Variants in CDK15 observed in about 807,000 individuals in gnomAD.
CDK15 encodes the protein cyclin-dependent kinase 15.
A neutral mutation model predicts 60.3 loss-of-function variants in CDK15; 62 were observed. The observed-to-expected ratio is 1.03, with a 90% CI of 0.84 to 1.27. CDK15 has a LOEUF of 1.27. Ranked by LOEUF, CDK15 falls within the 50% of genes most tolerant of loss-of-function variation. CDK15 has a pLI of 0.00. For missense variants in CDK15, 541 were observed against 527.8 expected, an observed-to-expected ratio of 1.03 and a Z score of -0.25; for synonymous variants, 194 against 195.7, an observed-to-expected ratio of 0.99 and a Z score of 0.07.
intron 4 of CDK15, among the ~76,000 whole-genome samples, chr2:201,822,299 C>T (rs569409535): frequency 2.0e-5 from 3 of 152,360 alleles, no homozygotes; most frequent in South Asian, 4.1e-4. Flanking sequence ...CATGTTTCAA[C>T]AGTTCTTTAC....
At chr2:201,846,173 G>A (rs913559582) in intron 8 of CDK15, among the ~76,000 whole-genome samples, 1 of 152,012 alleles carries the variant, frequency 6.6e-6, no homozygotes, top group African/African-American at 2.4e-5. Context: ...TTGCACATGT[G>A]TGAACATCAA....
At chr2:201,823,638 C>G in intron 5 of CDK15, 27 bp from the exon 6 acceptor site, 2 of 1,605,804 alleles carry the variant, frequency 1.2e-6, no homozygotes, top group Non-Finnish European at 1.7e-6. Flanking sequence ...AATTCACTCA[C>G]TTCTCTTTCT....
At chr2:201,886,327 ATT>A (rs55721501) in intron 12 of CDK15, among the ~76,000 whole-genome samples, 5 of 141,480 alleles carry the variant, frequency 3.5e-5, no homozygotes, top group Non-Finnish European at 4.7e-5. Flanking sequence ...GGGTTTTAAG[ATT>A]TTTTTTTTTT....
intron 11 of CDK15, among the ~76,000 whole-genome samples, chr2:201,875,725 A>AT (rs994987097): frequency 1.3e-5 from 2 of 152,180 alleles, no homozygotes; most frequent in African/African-American, 4.8e-5. Context: ...GTATGATCCC[A>AT]TTTTTTTGTA....
At position 201,862,234 on chromosome 2, in the gene CDK15, G is replaced by A. The variant is rs79807995; in HGVS notation, c.1009+7297G>A. On this transcript the variant is annotated intron_variant, in intron 10 of 13. Transcript: ENST00000652192. ...CTGGGAGAATCCTTGTCATCTACAT[G>A]CTACATAATGGGTATCTAGTAAGGG... Among the ~76,000 whole-genome samples the A allele has an allele frequency of 6.4e-3, 979 of 152,300 alleles. 7 individuals are homozygous for A. The highest frequency in any genetic ancestry group is 0.022 in the African/African-American group (914 of 41,554).
At position 201,870,576 on chromosome 2, in the gene CDK15, C is replaced by A. The variant is rs552652715; in HGVS notation, c.1010-1702C>A. Among the ~76,000 whole-genome samples the A allele has an allele frequency of 1.9e-4, 28 of 147,186 alleles. No homozygotes were observed. The East Asian group carries it at 3.6e-3, about 19-fold the overall frequency. ...AAATAAATTAAAAAACAAAACAAAA[C>A]AAAAAAAACAGACGTGGTGGTGTAT... On this transcript the variant is annotated intron_variant, in intron 10 of 13. Coordinates refer to ENST00000652192, the MANE Select transcript of CDK15 (RefSeq NM_001366386.2).
chr2:201,874,915 C>T (rs982212651), intron 11 of CDK15, among the ~76,000 whole-genome samples: 2 of 151,940 alleles, frequency 1.3e-5, no homozygotes, highest in Non-Finnish European at 2.9e-5. Flanking sequence ...GGGGGAAAAC[C>T]AAAGAACCCA....
At chr2:201,812,196 A>C (rs1018353486) in intron 3 of CDK15, among the ~76,000 whole-genome samples, 3 of 150,432 alleles carry the variant, frequency 2.0e-5, no homozygotes, top group African/African-American at 7.4e-5. Flanking sequence ...AAAAAACAAA[A>C]AAACAAAAAA....
chr2:201,852,151 A>G (rs1437823050), intron 9 of CDK15, among the ~76,000 whole-genome samples: 1 of 152,066 alleles, frequency 6.6e-6, no homozygotes, highest in African/African-American at 2.4e-5. Context: ...CTATTTTCAC[A>G]TTTGTTGCCT....
At chr2:201,862,940 C>A (rs115323652) in intron 10 of CDK15, among the ~76,000 whole-genome samples, 17 of 152,232 alleles carry the variant, frequency 1.1e-4, no homozygotes, top group Admixed American at 1.1e-3. Flanking sequence ...GTGAGCCTGG[C>A]GACATATTTC....
chr2:201,876,610 T>C, intron 11 of CDK15: 2 of 1,283,696 alleles, frequency 1.6e-6, no homozygotes, highest in Non-Finnish European at 2.0e-6. Flanking sequence ...GCAGTCATAG[T>C]TCAGAGGCTG....
intron 9 of CDK15, among the ~76,000 whole-genome samples, chr2:201,852,991 T>G (rs149848169): frequency 1.3e-4 from 20 of 152,328 alleles, no homozygotes; most frequent in African/African-American, 4.6e-4. Context: ...ACCTATTTCT[T>G]CTATTGTTTT....
At chr2:201,862,122 G>T (rs1034269970) in intron 10 of CDK15, among the ~76,000 whole-genome samples, 33 of 152,180 alleles carry the variant, frequency 2.2e-4, no homozygotes, top group African/African-American at 7.2e-4. Flanking sequence ...CGTTAAGGCT[G>T]TTCTTATTTG....
At chr2:201,835,857 A>G (rs1696985674) in intron 8 of CDK15, 94 bp downstream of exon 8, 3 of 737,630 alleles carry the variant, frequency 4.1e-6, no homozygotes, top group Non-Finnish European at 5.3e-6. Flanking sequence ...AAAAATGGCA[A>G]TCACGTATAT....
intron 7 of CDK15, among the ~76,000 whole-genome samples, chr2:201,835,314 G>A (rs973471999): frequency 6.6e-6 from 1 of 152,040 alleles, no homozygotes; most frequent in Admixed American, 6.6e-5. Flanking sequence ...CCCAGAGGAG[G>A]GAGAAAAGGG....
chr2:201,888,494 C>T (rs907169698), intron 12 of CDK15: 15 of 1,534,674 alleles, frequency 9.8e-6, no homozygotes, highest in East Asian at 4.9e-5. Context: ...CTGTCAGCCT[C>T]GGGAAGCTAA....
At chr2:201,889,826 G>A (rs1370088038) in intron 12 of CDK15, among the ~76,000 whole-genome samples, 1 of 152,028 alleles carries the variant, frequency 6.6e-6, no homozygotes, top group African/African-American at 2.4e-5. Flanking sequence ...GAGGCAGGTG[G>A]ATCACCTGAG....
At position 201,881,938 on chromosome 2, in the gene CDK15, A is replaced by T. The variant is rs145289068; in HGVS notation, c.1198+1771A>T. ...ACACTCCCTTCTCTCCACTTAAAGA[A>T]ACTTTCCCCATTGGCCCTCCTTTAG... On this transcript the variant is annotated intron_variant, in intron 12 of 13. Transcript: ENST00000652192. 3.2e-4 allele frequency among the ~76,000 whole-genome samples: 48 copies of T among 152,252 alleles called. No individual in the cohort carries two copies. The East Asian group carries it at 7.9e-3, about 25-fold the overall frequency.
chr2:201,826,535 T>C (rs1429938518), intron 6 of CDK15, among the ~76,000 whole-genome samples: 1 of 151,128 alleles, frequency 6.6e-6, no homozygotes, highest in African/African-American at 2.4e-5. Flanking sequence ...GAGAGCATGT[T>C]ACAGGGAGAG....
Sources: gnomAD v4.1 joint callset for allele counts (sites outside exome capture counted in the v4.1 genomes callset) on GRCh38, gnomAD v4.1.1 for gene constraint, MANE v1.5 for transcripts, NCBI Gene and HGNC (gene_info 2026-07-23, HGNC 2026-07-21) for gene names.